PARD6B: variants seen among roughly 807,000 people sequenced by gnomAD.
The protein encoded by PARD6B is partitioning defective 6 homolog beta.
A neutral mutation model predicts 10.5 loss-of-function variants in PARD6B; 4 were observed. The ratio of observed to expected loss-of-function variants is 0.38; its 90% CI spans 0.19 to 0.87. The LOEUF is 0.87. Ranked by LOEUF, PARD6B falls within the 40% of genes least tolerant of loss-of-function variation. The pLI is 0.41. For missense variants in PARD6B, 396 were observed against 470.6 expected (o/e 0.84, Z 1.47); for synonymous variants, 169 against 170.4 (o/e 0.99, Z 0.07).
intron 1 of PARD6B, 56 bp from the exon 2 acceptor site, chr20:50,737,801 T>C: frequency 8.2e-7 from 1 of 1,221,310 alleles, no homozygotes. Flanking sequence ...CATTTTCAAA[T>C]TGGGTCCTTT....
chr20:50,744,953 A>C (rs952045953), intron 2 of PARD6B, among the ~76,000 whole-genome samples: 1 of 152,186 alleles, frequency 6.6e-6, no homozygotes, highest in Non-Finnish European at 1.5e-5. Context: ...TTTAGATTGT[A>C]AGCACCACGA....
At chr20:50,746,573 T>C (rs561004907) in intron 2 of PARD6B, among the ~76,000 whole-genome samples, 1 of 152,360 alleles carries the variant, frequency 6.6e-6, no homozygotes, top group East Asian at 1.9e-4. Flanking sequence ...CTTTACACTT[T>C]AACACCCTGA....
Position 50,737,908 on chromosome 20 carries a change from T to A in PARD6B, c.118T>A (p.Phe40Ile). Residue 40 changes from phenylalanine to isoleucine, a missense_variant, in exon 2 of 3, where the codon TTT becomes ATT. Coordinates refer to ENST00000371610, the MANE Select transcript of PARD6B (RefSeq NM_032521.3). ...GCTGGAAAGATCAAAACCTGGAAAA[T>A]TTGAGGAGTTTTATGGATTACTACA... ...FSLERSKPGK[F>I]EEFYGLLQHV... 6.2e-7 allele frequency: 1 copy of A among 1,609,416 alleles called. No individual in the cohort carries two copies. Among genetic ancestry groups the A allele is most frequent in the Non-Finnish European group, 8.5e-7 (1 of 1,178,154 alleles).
Position 50,731,657 on chromosome 20 carries a change from C to T in PARD6B, c.-130C>T. 1 of 667,614 alleles carries T rather than the reference C, an allele frequency of 1.5e-6. No individual in the cohort carries two copies. 41.4% of individuals were successfully genotyped at this position (667,614 alleles called of 1,614,324 possible). On this transcript the variant is annotated 5_prime_UTR_variant, in exon 1 of 3. Coordinates refer to ENST00000371610, the MANE Select transcript of PARD6B (RefSeq NM_032521.3). ...CGGACGCCGGAGCTGCGGCCGCCCC[C>T]TCTGCAGGTGCCTGTGAGGAGGCGC...
At position 50,743,864 on chromosome 20, in the gene PARD6B, G is replaced by A. The variant is rs530438373; in HGVS notation, c.289+5785G>A. 5.3e-4 allele frequency among the ~76,000 whole-genome samples: 80 copies of A among 150,448 alleles called. 1 individual carries two copies. The East Asian group carries it at 0.01, about 19-fold the overall frequency. ...AGATCGCGCCACTGCACTCCAGCCTGGGCGACAGAGCGAGACTCCGTCTCA... is the reference window on the plus strand; with the variant it reads ...AGATCGCGCCACTGCACTCCAGCCTAGGCGACAGAGCGAGACTCCGTCTCA... On this transcript the variant is annotated intron_variant, in intron 2 of 2. Coordinates refer to ENST00000371610, the MANE Select transcript of PARD6B (RefSeq NM_032521.3).
rs544001189 is a variant in PARD6B, at chr20:50,752,924, C to T, written c.*2436C>T. On this transcript the variant is annotated 3_prime_UTR_variant, in exon 3 of 3. Coordinates refer to ENST00000371610, the MANE Select transcript of PARD6B (RefSeq NM_032521.3). ...TCCATTTATATGCTATTTTTAATGG[C>T]ATTCCGGCTTTAACATTCTGTGAGT... 3.4e-5 allele frequency: 33 copies of T among 982,270 alleles called. No homozygotes were observed. The highest frequency in any genetic ancestry group is 3.9e-5 in the Non-Finnish European group (32 of 826,784). 60.8% of individuals were successfully genotyped at this position (982,270 alleles called of 1,614,324 possible). A position where few individuals can be genotyped will look rare whatever the true frequency, so the allele number is the denominator to read the frequency against.
chr20:50,739,263 A>G (rs2087516632), intron 2 of PARD6B, among the ~76,000 whole-genome samples: 1 of 152,034 alleles, frequency 6.6e-6, no homozygotes, highest in African/African-American at 2.4e-5. Flanking sequence ...CATGGCTAAC[A>G]TGGTGAAACC....
Position 50,753,731 on chromosome 20 carries a change from T to C in PARD6B, c.*3243T>C. 1 of 654,422 alleles carries C rather than the reference T, an allele frequency of 1.5e-6. No homozygotes were observed. Among genetic ancestry groups the C allele is most frequent in the South Asian group, 6.9e-5 (1 of 14,474 alleles). The allele number at this position is 654,422 out of a possible 1,614,324, so 40.5% of individuals were successfully genotyped here. A position where few individuals can be genotyped will look rare whatever the true frequency, so the allele number is the denominator to read the frequency against. On this transcript the variant is annotated 3_prime_UTR_variant, in exon 3 of 3. Coordinates refer to ENST00000371610, the MANE Select transcript of PARD6B (RefSeq NM_032521.3). The stretch of plus-strand genomic sequence containing the variant: ...TTTTTTACAAATAAAGATAGACTTG[T>C]ATAAAGGCTACTTTCTTGTTTGAAA...
At position 50,734,956 on chromosome 20, in the gene PARD6B, C is replaced by T. The variant is rs980653537; in HGVS notation, c.67-2901C>T. Among the ~76,000 whole-genome samples, 7 of 152,176 alleles carry T rather than the reference C, an allele frequency of 4.6e-5. No homozygotes were observed. In the East Asian group the frequency reaches 5.8e-4, roughly 13 times the overall value. ...CCTGAGGTCAGGAGTTCAAGACCAGCCTGGCCAACACGGTGAAACCCTGTA... is the reference window on the plus strand; with the variant it reads ...CCTGAGGTCAGGAGTTCAAGACCAGTCTGGCCAACACGGTGAAACCCTGTA... On this transcript the variant is annotated intron_variant, in intron 1 of 2. Transcript: ENST00000371610.
chr20:50,751,301 G>C lies in PARD6B; in HGVS notation c.*813G>C, dbSNP rs2087607347. ...TTTTTATGTTCCTTTCTAATAAATT[G>C]TAACAAATGATGTTCTCAAGTACAT... On this transcript the variant is annotated 3_prime_UTR_variant, in exon 3 of 3. Transcript: ENST00000371610. 6.4e-6 allele frequency: 6 copies of C among 931,672 alleles called. No individual in the cohort carries two copies. The South Asian group carries it at 3.0e-4, about 47-fold the overall frequency. 57.7% of individuals were successfully genotyped at this position (931,672 alleles called of 1,614,324 possible). A position where few individuals can be genotyped will look rare whatever the true frequency, so the allele number is the denominator to read the frequency against.
In PARD6B at chr20:50,738,132, C is replaced by G. The variant is rs915732932; in HGVS notation, c.289+53C>G. The G allele has an allele frequency of 2.2e-6, 3 of 1,364,236 alleles. No individual in the cohort carries two copies. The East Asian group carries it at 7.4e-5, about 34-fold the overall frequency. 84.5% of individuals were successfully genotyped at this position (1,364,236 alleles called of 1,614,324 possible). A position where few individuals can be genotyped will look rare whatever the true frequency, so the allele number is the denominator to read the frequency against. On this transcript the variant is annotated intron_variant, in intron 2 of 2. Transcript: ENST00000371610. ...GTTAGAAATAGAAATAGTGTATTTT[C>G]CCCACTGAAAGGATACCCAGACTTT... is the stretch of plus-strand genomic sequence containing the variant.
chr20:50,752,175 A>G lies in PARD6B; in HGVS notation c.*1687A>G, dbSNP rs995848231. On this transcript the variant is annotated 3_prime_UTR_variant, in exon 3 of 3. Coordinates refer to ENST00000371610, the MANE Select transcript of PARD6B (RefSeq NM_032521.3). ...TCTCCTTTAACCTATTCTTGTTCCC[A>G]TTCCCAGTCTCATTTGAAATCATTC... is the stretch of plus-strand genomic sequence containing the variant. The G allele has an allele frequency of 1.0e-6, 1 of 985,538 alleles. No individual in the cohort carries two copies. The highest frequency in any genetic ancestry group is 1.1e-4 in the East Asian group (1 of 8,826). The allele number at this position is 985,538 out of a possible 1,614,324, so 61.0% of individuals were successfully genotyped here.
intron 2 of PARD6B, among the ~76,000 whole-genome samples, chr20:50,741,990 T>C (rs540031082): frequency 3.2e-4 from 49 of 152,330 alleles, no homozygotes; most frequent in Non-Finnish European, 6.0e-4. Context: ...TACAGCACAT[T>C]TTCTGTTTGC....
At chr20:50,737,041 A>G (rs556831410) in intron 1 of PARD6B, among the ~76,000 whole-genome samples, 35 of 152,304 alleles carry the variant, frequency 2.3e-4, no homozygotes, top group African/African-American at 7.7e-4. Flanking sequence ...ATTATTTGAC[A>G]TTGGGAAAAC....
chr20:50,745,759 G>A (rs1438512003), intron 2 of PARD6B, among the ~76,000 whole-genome samples: 3 of 152,050 alleles, frequency 2.0e-5, no homozygotes, highest in Admixed American at 1.3e-4. Flanking sequence ...CTCTCACCTC[G>A]CCCTTCCAAA....
At chr20:50,741,489 C>G (rs1490483705) in intron 2 of PARD6B, among the ~76,000 whole-genome samples, 1 of 152,120 alleles carries the variant, frequency 6.6e-6, no homozygotes, top group Non-Finnish European at 1.5e-5. Context: ...TCCTGTCTGT[C>G]TGGTTTACCA....
Position 50,750,257 on chromosome 20 carries a change from T to A in PARD6B, c.888T>A (p.Ile296=). The A allele has an allele frequency of 6.2e-7, 1 of 1,614,158 alleles. No individual in the cohort carries two copies. The highest frequency in any genetic ancestry group is 8.5e-7 in the Non-Finnish European group (1 of 1,180,030). The change falls in exon 3 of 3, where the codon ATT becomes ATA. Residue 296 remains isoleucine, a synonymous_variant. Transcript: ENST00000371610. Reference sequence around the variant, plus strand: ...ATGAAGACAGCGAAGAAGATGACATTATCATTGAAGACAATGGAGTGCCAC... The same window carrying A: ...ATGAAGACAGCGAAGAAGATGACATAATCATTGAAGACAATGGAGTGCCAC... ...PEDEDSEEDD[I]IIEDNGVPQQ... is the part of the protein sequence containing the mutation.
intron 2 of PARD6B, among the ~76,000 whole-genome samples, chr20:50,749,045 A>G (rs548422995): frequency 5.9e-5 from 9 of 152,260 alleles, no homozygotes; most frequent in African/African-American, 1.7e-4. Context: ...AATGATGTTT[A>G]AGAATATGTA....
Position 50,750,953 on chromosome 20 carries a change from GATTTTTTTTTTTTTTT to G in PARD6B, c.*466_*481del. ...TCTCATGTTCCCAATATTTTATTTT[GATTTTTTTTTTTTTTT>G]TTTTTTTTTTTTTTTTTAGTGACTG... On this transcript the variant is annotated 3_prime_UTR_variant, in exon 3 of 3. Coordinates refer to ENST00000371610, the MANE Select transcript of PARD6B (RefSeq NM_032521.3). 4.7e-6 allele frequency: 1 copy of G among 211,084 alleles called. No individual in the cohort carries two copies. The highest frequency in any genetic ancestry group is 5.8e-6 in the Non-Finnish European group (1 of 172,240). The allele number at this position is 211,084 out of a possible 1,614,324, so 13.1% of individuals were successfully genotyped here. A position where few individuals can be genotyped will look rare whatever the true frequency, so the allele number is the denominator to read the frequency against.
Sources: gnomAD v4.1 joint callset for allele counts (sites outside exome capture counted in the v4.1 genomes callset) on GRCh38, gnomAD v4.1.1 for gene constraint, MANE v1.5 for transcripts, NCBI Gene and HGNC (gene_info 2026-07-23, HGNC 2026-07-21) for gene names.